The following ALDH1L2 variants were observed in gnomAD, a reference collection of about 807,000 sequenced individuals.
ALDH1L2 encodes mitochondrial 10-formyltetrahydrofolate dehydrogenase.
In ALDH1L2, 91 loss-of-function variants were observed where a neutral mutation model predicts 111.0. The observed-to-expected ratio is 0.82, with a 90% CI of 0.69 to 0.98. The LOEUF (loss-of-function observed/expected upper bound fraction) is 0.98, where lower values mean the gene tolerates loss of function less well. ALDH1L2 is among the 50% of genes least tolerant of loss of function. The pLI, the probability that ALDH1L2 is intolerant of heterozygous loss-of-function variation, is 0.00. For synonymous variants in ALDH1L2, 374 were observed against 392.6 expected, an observed-to-expected ratio of 0.95 and a Z score of 0.56; for missense variants, 995 against 1,126.8, an observed-to-expected ratio of 0.88 and a Z score of 1.67.
In ALDH1L2 at chr12:105,062,133, T is replaced by C. The variant is rs1056572097; in HGVS notation, c.922-381A>G. 2.0e-4 allele frequency among the ~76,000 whole-genome samples: 31 copies of C among 152,216 alleles called. 1 individual carries two copies. Among genetic ancestry groups the C allele is most frequent in the African/African-American group, 7.2e-4 (30 of 41,452 alleles). Reference sequence around the variant, plus strand: ...TGCTCAAGAATGCATGCATAAGTGCTTGCTTCAGCAGCACATATACTAAAA... The same window carrying C: ...TGCTCAAGAATGCATGCATAAGTGCCTGCTTCAGCAGCACATATACTAAAA... On this transcript the variant is annotated intron_variant, in intron 7 of 22. Transcript: ENST00000258494.
chr12:105,082,271 AAC>A lies in ALDH1L2; in HGVS notation c.48+2116_48+2117del, dbSNP rs539823782. 4.0e-3 allele frequency among the ~76,000 whole-genome samples: 611 copies of A among 152,326 alleles called. 8 individuals carry two copies. The highest frequency in any genetic ancestry group is 0.014 in the African/African-American group (571 of 41,568). On this transcript the variant is annotated intron_variant, in intron 1 of 22. Transcript: ENST00000258494. The stretch of plus-strand genomic sequence containing the variant: ...GTGTACTGTGCTGTGAGTTTTAACA[AAC>A]ACACAGTCACGTAACCACTACCATA...
At position 105,023,701 on chromosome 12, in the gene ALDH1L2, A is replaced by G. The variant is rs1874269990; in HGVS notation, c.*723T>C. 1.3e-5 allele frequency: 2 copies of G among 152,214 alleles called. No individual in the cohort carries two copies. The highest frequency in any genetic ancestry group is 2.9e-5 in the Non-Finnish European group (2 of 68,042). The allele number at this position is 152,214 out of a possible 1,614,324, so 9.4% of individuals were successfully genotyped here. A position where few individuals can be genotyped will look rare whatever the true frequency, so the allele number is the denominator to read the frequency against. ...TTCCCAAAGTTACATAGATAGGAAG[A>G]TGGTATGATACGACCAGGATCAGCC... On this transcript the variant is annotated 3_prime_UTR_variant, in exon 23 of 23. Coordinates refer to ENST00000258494, the MANE Select transcript of ALDH1L2 (RefSeq NM_001034173.4).
At position 105,031,950 on chromosome 12, in the gene ALDH1L2, T is replaced by C. The variant is rs1280207469; in HGVS notation, c.2245-16A>G. 3.1e-6 allele frequency: 5 copies of C among 1,611,906 alleles called. No individual in the cohort carries two copies. Among genetic ancestry groups the C allele is most frequent in the Non-Finnish European group, 4.2e-6 (5 of 1,179,186 alleles). On this transcript the variant is annotated splice_polypyrimidine_tract_variant and intron_variant, in intron 19 of 22. Transcript: ENST00000258494. ...TTTCTTCTACCTGTATGTTACCCAGTCCATAAAAACACAATTCACTGTTAA... is the reference window on the plus strand; with the variant it reads ...TTTCTTCTACCTGTATGTTACCCAGCCCATAAAAACACAATTCACTGTTAA...
chr12:105,028,748 T>C (rs558209183), intron 21 of ALDH1L2, among the ~76,000 whole-genome samples: 1 of 152,162 alleles, frequency 6.6e-6, no homozygotes, highest in Non-Finnish European at 1.5e-5. Flanking sequence ...CATAGCTCCA[T>C]AGCACATTGT....
chr12:105,036,989 T>C (rs1875191761), intron 18 of ALDH1L2, among the ~76,000 whole-genome samples: 1 of 152,098 alleles, frequency 6.6e-6, no homozygotes, highest in African/African-American at 2.4e-5. Context: ...CCATTCTCTT[T>C]GGGATGCTTA....
intron 8 of ALDH1L2, 102 bp from the exon 9 acceptor site, chr12:105,061,174 A>G: frequency 1.1e-6 from 1 of 950,238 alleles, no homozygotes; most frequent in South Asian, 1.4e-5. Context: ...CATCTTGTAC[A>G]CTCAGCTGTA....
Position 105,064,114 on chromosome 12 carries a change from C to CTTTTTTTTTTTTTTTTTTTTTTTTTT in ALDH1L2, c.787-1118_787-1093dup, listed in dbSNP as rs71069786. Among the ~76,000 whole-genome samples the CTTTTTTTTTTTTTTTTTTTTTTTTTT allele has an allele frequency of 1.1e-4, 4 of 35,124 alleles. 1 individual carries two copies. The highest frequency in any genetic ancestry group is 3.2e-4 in the African/African-American group (3 of 9,290). The allele number at this position is 35,124 out of a possible 152,430, so 23.0% of individuals were successfully genotyped here. ...TACAGGCACATGCCACCACACCGAG[C>CTTTTTTTTTTTTTTTTTTTTTTTTTT]TTTTTTTTTTTTTTTTTTTTTTTTT... is the stretch of plus-strand genomic sequence containing the variant. On this transcript the variant is annotated intron_variant, in intron 6 of 22. Coordinates refer to ENST00000258494, the MANE Select transcript of ALDH1L2 (RefSeq NM_001034173.4).
At chr12:105,037,457 A>T (rs140743497) in intron 18 of ALDH1L2, among the ~76,000 whole-genome samples, 2 of 152,340 alleles carry the variant, frequency 1.3e-5, no homozygotes, top group East Asian at 3.9e-4. Flanking sequence ...TGTGCAAAAC[A>T]GGTAAAAGTA....
At chr12:105,052,956 C>T (rs1231683870) in intron 10 of ALDH1L2, 25 bp from the exon 11 acceptor site, 1 of 1,610,580 alleles carries the variant, frequency 6.2e-7, no homozygotes, top group African/African-American at 1.3e-5. Context: ...TTAATAGATT[C>T]AATGGATTTC....
At chr12:105,046,219 ATATTTTTTTTTTTT>A (rs1875894548) in intron 15 of ALDH1L2, among the ~76,000 whole-genome samples, 24 of 27,408 alleles carry the variant, frequency 8.8e-4, no homozygotes, top group African/African-American at 3.4e-3. Flanking sequence ...ATATATATAT[ATATTTTTTTTTTTT>A]TTTTTTTTTT....
intron 13 of ALDH1L2, chr12:105,048,713 C>A (rs1876068006): frequency 6.6e-6 from 1 of 152,124 alleles, no homozygotes; most frequent in African/African-American, 2.4e-5. Context: ...ATTCCTGTAT[C>A]TTTATCAAAG....
At chr12:105,037,285 C>A (rs1239603158) in intron 18 of ALDH1L2, among the ~76,000 whole-genome samples, 1 of 152,128 alleles carries the variant, frequency 6.6e-6, no homozygotes, top group Non-Finnish European at 1.5e-5. Flanking sequence ...CAAGGTGTTG[C>A]AAAAATAATG....
In ALDH1L2 at chr12:105,058,060, A is replaced by T; in HGVS notation, c.1287+13T>A. 6.2e-7 allele frequency: 1 copy of T among 1,608,666 alleles called. No homozygotes were observed. The highest frequency in any genetic ancestry group is 8.5e-7 in the Non-Finnish European group (1 of 1,178,048). On this transcript the variant is annotated intron_variant, in intron 10 of 22. Transcript: ENST00000258494. ...TCACTGATTTAGGGTTGCAACATCA[A>T]GGAAAAGCTTACATAATCTACAACC...
At chr12:105,081,427 A>G (rs992944365) in intron 1 of ALDH1L2, among the ~76,000 whole-genome samples, 13 of 152,208 alleles carry the variant, frequency 8.5e-5, no homozygotes, top group Non-Finnish European at 1.9e-4. Flanking sequence ...GGTTCCAAAG[A>G]GCAAGGAAGG....
intron 6 of ALDH1L2, 95 bp from the exon 7 acceptor site, chr12:105,063,117 C>A: frequency 7.6e-7 from 1 of 1,311,014 alleles, no homozygotes; most frequent in Non-Finnish European, 1.0e-6. Context: ...CGCTGAAGTT[C>A]ATATTATCAT....
intron 20 of ALDH1L2, 133 bp from the exon 21 acceptor site, chr12:105,030,562 C>A: frequency 1.6e-6 from 1 of 610,652 alleles, no homozygotes; most frequent in Non-Finnish European, 2.6e-6. Flanking sequence ...TTGCATTTCT[C>A]TATTTGGTGT....
At position 105,063,242 on chromosome 12, in the gene ALDH1L2, A is replaced by C. The variant is rs904837634; in HGVS notation, c.787-220T>G. ...CTGTAATCCCAGCACTTTGGGAGGC[A>C]GAGGCAGGCAGATCACGAGGTCAGG... On this transcript the variant is annotated intron_variant, in intron 6 of 22. Transcript: ENST00000258494. Among the ~76,000 whole-genome samples, 5 of 152,174 alleles carry C rather than the reference A, an allele frequency of 3.3e-5. No individual in the cohort carries two copies. In the East Asian group the frequency reaches 9.6e-4, roughly 29 times the overall value.
intron 1 of ALDH1L2, among the ~76,000 whole-genome samples, chr12:105,075,853 T>G (rs1878025955): frequency 6.6e-6 from 1 of 152,154 alleles, no homozygotes. Flanking sequence ...TGGTGCAATC[T>G]CGGCTCACTG....
chr12:105,052,023 C>A, intron 12 of ALDH1L2, 67 bp downstream of exon 12: 1 of 1,340,634 alleles, frequency 7.5e-7, no homozygotes, highest in Non-Finnish European at 9.7e-7. Context: ...GCCTGGCCAA[C>A]GTAGTGAACC....
Sources: gnomAD v4.1 joint callset for allele counts (sites outside exome capture counted in the v4.1 genomes callset) on GRCh38, gnomAD v4.1.1 for gene constraint, MANE v1.5 for transcripts, NCBI Gene and HGNC (gene_info 2026-07-23, HGNC 2026-07-21) for gene names.